The following ACAD11 variants were observed in gnomAD, a reference collection of about 807,000 sequenced individuals.
ACAD11 encodes acyl-CoA dehydrogenase family member 11, also known as acyl-Coenzyme A dehydrogenase family, member 11.
A neutral mutation model predicts 102.2 loss-of-function variants in ACAD11; 83 were observed. The ratio of observed to expected loss-of-function variants is 0.81; its 90% CI spans 0.68 to 0.97. The LOEUF (loss-of-function observed/expected upper bound fraction) is 0.97, where lower values mean the gene tolerates loss of function less well. ACAD11 is among the 50% of genes least tolerant of loss of function. The probability of loss-of-function intolerance (pLI) is 0.00; values close to 1 mark genes in which losing one functional copy is unlikely to be tolerated. For synonymous variants in ACAD11, 324 were observed against 319.8 expected (o/e 1.01, Z -0.14); for missense variants, 901 against 951.7 (o/e 0.95, Z 0.70).
rs141257781 is a variant in ACAD11 at position 132,618,721 on chromosome 3, C to T, written c.1327G>A (p.Gly443Arg). 179 of 1,600,324 alleles carry T rather than the reference C, an allele frequency of 1.1e-4. No individual in the cohort carries two copies. Among genetic ancestry groups the T allele is most frequent in the South Asian group, 9.5e-4 (84 of 88,786 alleles). Residue 443 changes from glycine (G) to arginine (R), a missense_variant, in exon 11 of 20, where the codon GGA becomes AGA. Coordinates refer to ENST00000264990, the MANE Select transcript of ACAD11 (RefSeq NM_032169.5). Reference protein sequence around the residue: ...LWNLFLPAVSGLSHVDYALIA... With the variant: ...LWNLFLPAVSRLSHVDYALIA... ...AAGGCATAGTCCACGTGGCTGAGTC[C>T]GCTGACAGCTGGCAAAAACAAGTTC...
At chr3:132,585,781 C>T (rs1042768554) in intron 13 of ACAD11, among the ~76,000 whole-genome samples, 33 of 152,312 alleles carry the variant, frequency 2.2e-4, no homozygotes, top group Admixed American at 1.1e-3. Context: ...CAAATCGAAA[C>T]CACAATGAGA....
chr3:132,593,450 T>C (rs1161545657), intron 13 of ACAD11, among the ~76,000 whole-genome samples: 2 of 152,224 alleles, frequency 1.3e-5, no homozygotes, highest in African/African-American at 4.8e-5. Context: ...TTATCCAGTA[T>C]TCCACACATG....
intron 13 of ACAD11, among the ~76,000 whole-genome samples, chr3:132,590,005 AG>A (rs1324754600): frequency 6.6e-6 from 1 of 152,236 alleles, no homozygotes; most frequent in East Asian, 1.9e-4. Flanking sequence ...AATAGCCTCC[AG>A]CTCCATCCAT....
At chr3:132,658,411 TC>T (rs1272092049) in intron 1 of ACAD11, among the ~76,000 whole-genome samples, 1 of 152,246 alleles carries the variant, frequency 6.6e-6, no homozygotes, top group Non-Finnish European at 1.5e-5. Flanking sequence ...GGTTTAACAT[TC>T]AGCTTGGTTC....
intron 13 of ACAD11, among the ~76,000 whole-genome samples, chr3:132,597,546 G>A (rs770004847): frequency 3.3e-5 from 5 of 151,114 alleles, no homozygotes; most frequent in African/African-American, 9.7e-5. Context: ...ATTACTTGTC[G>A]GTAAAACTTT....
intron 1 of ACAD11, among the ~76,000 whole-genome samples, chr3:132,653,659 C>T (rs1000110172): frequency 2.6e-5 from 4 of 152,154 alleles, no homozygotes; most frequent in Non-Finnish European, 5.9e-5. Context: ...CGTCCTCCTC[C>T]TATCTTCTTA....
intron 11 of ACAD11, among the ~76,000 whole-genome samples, chr3:132,608,820 CAA>C (rs958158138): frequency 9.9e-5 from 15 of 152,280 alleles, no homozygotes; most frequent in African/African-American, 3.4e-4. Flanking sequence ...CTCTCCACCC[CAA>C]ACTGACAGAA....
chr3:132,615,528 G>A (rs1162302823), intron 11 of ACAD11, among the ~76,000 whole-genome samples: 2 of 152,134 alleles, frequency 1.3e-5, no homozygotes, highest in African/African-American at 4.8e-5. Flanking sequence ...TCTTTGCAGG[G>A]ACATGGATGA....
intron 11 of ACAD11, among the ~76,000 whole-genome samples, chr3:132,611,558 C>A (rs555656100): frequency 2.8e-4 from 42 of 152,240 alleles, no homozygotes; most frequent in Non-Finnish European, 5.3e-4. Context: ...GCAAAAATCA[C>A]AAGCATTCAT....
chr3:132,653,144 A>G (rs2107903629), intron 1 of ACAD11, among the ~76,000 whole-genome samples: 1 of 152,334 alleles, frequency 6.6e-6, no homozygotes, highest in African/African-American at 2.4e-5. Context: ...TCATGACCTC[A>G]GCAAACCTCA....
chr3:132,561,209 C>T lies in ACAD11; in HGVS notation c.2010G>A (p.Val670=), dbSNP rs1489999689. 1 of 1,612,654 alleles carries T rather than the reference C, an allele frequency of 6.2e-7. No individual in the cohort carries two copies. Among genetic ancestry groups the T allele is most frequent in the South Asian group, 1.1e-5 (1 of 91,040 alleles). ...TGCGGCTTTCAGCAATCCAGTGAGC[C>T]ACAACCTCCTATAGGGGAGGAAAAG... ...FKKKLYAHEV[V]AHWIAESRIA... is the part of the protein sequence containing the mutation. The change falls in exon 18 of 20, where the codon GTG becomes GTA. Residue 670 remains valine, a synonymous_variant. Coordinates refer to ENST00000264990, the MANE Select transcript of ACAD11 (RefSeq NM_032169.5).
chr3:132,655,460 G>C (rs891129180), intron 1 of ACAD11, among the ~76,000 whole-genome samples: 1 of 152,108 alleles, frequency 6.6e-6, no homozygotes, highest in Non-Finnish European at 1.5e-5. Flanking sequence ...CACTACTTCA[G>C]GCATTTGGGC....
chr3:132,631,411 A>G lies in ACAD11; in HGVS notation c.771T>C (p.His257=). The G allele has an allele frequency of 6.4e-7, 1 of 1,572,260 alleles. No individual in the cohort carries two copies. Among genetic ancestry groups the G allele is most frequent in the South Asian group, 1.2e-5 (1 of 83,870 alleles). Residue 257 remains histidine, a synonymous_variant, in exon 6 of 20, where the codon CAT becomes CAC. Transcript: ENST00000264990. The part of the protein sequence containing the change: ...TIGHPLSDLA[H]FSLFYFWPRT... Reference sequence around the variant, plus strand: ...TTGGCCAAAAGTAGAACAGGGAAAAATGAGCTAAGTCTGACAAAGGATGAC... The same window carrying G: ...TTGGCCAAAAGTAGAACAGGGAAAAGTGAGCTAAGTCTGACAAAGGATGAC...
chr3:132,654,184 T>G (rs1014139019), intron 1 of ACAD11, among the ~76,000 whole-genome samples: 8 of 152,172 alleles, frequency 5.3e-5, no homozygotes, highest in African/African-American at 1.9e-4. Flanking sequence ...TTTAATCAGT[T>G]AGTAAACCCT....
chr3:132,571,346 T>C (rs1280870757), intron 17 of ACAD11, among the ~76,000 whole-genome samples: 1 of 124,484 alleles, frequency 8.0e-6, no homozygotes, highest in Non-Finnish European at 1.7e-5. Flanking sequence ...TTTTTAACGG[T>C]TTTTTTTTTT....
intron 13 of ACAD11, among the ~76,000 whole-genome samples, chr3:132,587,590 G>T (rs1937895091): frequency 6.6e-6 from 1 of 152,082 alleles, no homozygotes; most frequent in Non-Finnish European, 1.5e-5. Flanking sequence ...TGAATCATTT[G>T]GGTGTTGGCC....
At chr3:132,564,228 G>T (rs1028231067) in intron 17 of ACAD11, among the ~76,000 whole-genome samples, 2 of 152,060 alleles carry the variant, frequency 1.3e-5, no homozygotes. Context: ...ATCTATATTG[G>T]TCTATGGTTT....
chr3:132,615,698 G>C (rs891267234), intron 11 of ACAD11, among the ~76,000 whole-genome samples: 4 of 152,160 alleles, frequency 2.6e-5, no homozygotes, highest in Non-Finnish European at 5.9e-5. Flanking sequence ...TTAGGGGAGA[G>C]ATAGCATTAA....
intron 17 of ACAD11, among the ~76,000 whole-genome samples, chr3:132,573,979 T>G (rs1937455128): frequency 6.6e-6 from 1 of 152,212 alleles, no homozygotes; most frequent in South Asian, 2.1e-4. Context: ...CACATCTTTT[T>G]GTTTCTGCCA....
Sources: allele counts gnomAD v4.1 joint callset (sites outside exome capture counted in the v4.1 genomes callset), GRCh38; gene constraint gnomAD v4.1.1; transcripts MANE v1.5; gene names NCBI Gene and HGNC (gene_info 2026-07-23, HGNC 2026-07-21).